Variants in ARHGAP44 observed in about 807,000 individuals in gnomAD.
ARHGAP44 encodes the protein rho GTPase-activating protein 44.
Under a neutral mutation model 106.8 loss-of-function variants are expected in ARHGAP44, and 43 were observed. The observed-to-expected ratio is 0.40, with a 90% CI of 0.32 to 0.52. ARHGAP44 has a LOEUF of 0.52. Among genes scored for constraint, ARHGAP44 ranks in the 20% least tolerant of loss-of-function variants. The probability of loss-of-function intolerance (pLI) is 0.48; values close to 1 mark genes in which losing one functional copy is unlikely to be tolerated. For missense variants in ARHGAP44, 866 were observed against 1,050.5 expected (o/e 0.82, Z 2.43); for synonymous variants, 439 against 410.3 (o/e 1.07, Z -0.85).
chr17:12,954,825 G>A (rs2039087912), intron 13 of ARHGAP44, among the ~76,000 whole-genome samples: 1 of 151,958 alleles, frequency 6.6e-6, no homozygotes, highest in African/African-American at 2.4e-5. Context: ...TTTCTATATA[G>A]CTTCTTTGTT....
chr17:12,881,806 G>A (rs779524051), intron 1 of ARHGAP44, among the ~76,000 whole-genome samples: 8 of 152,028 alleles, frequency 5.3e-5, no homozygotes, highest in Non-Finnish European at 1.0e-4. Context: ...AGATCTTTCT[G>A]CCTCAGCCTC....
chr17:12,894,441 T>TA (rs1230030144), intron 1 of ARHGAP44, among the ~76,000 whole-genome samples: 4 of 152,230 alleles, frequency 2.6e-5, no homozygotes, highest in African/African-American at 9.6e-5. Context: ...GTTCTTTCTC[T>TA]AAATGTAGAA....
At chr17:12,903,186 T>TGTGTGTGTGTG (rs1598027201) in intron 3 of ARHGAP44, among the ~76,000 whole-genome samples, 11 of 127,606 alleles carry the variant, frequency 8.6e-5, no homozygotes, top group Admixed American at 3.0e-4. Context: ...TGTGTGTGTG[T>TGTGTGTGTGTG]TTGGAGGAAT....
intron 3 of ARHGAP44, among the ~76,000 whole-genome samples, chr17:12,899,313 A>G (rs955472421): frequency 1.5e-4 from 23 of 152,130 alleles, no homozygotes; most frequent in Non-Finnish European, 2.6e-4. Context: ...ATGATTTCTT[A>G]TGCTGATTCA....
chr17:12,972,469 T>A (rs9911789), intron 16 of ARHGAP44, among the ~76,000 whole-genome samples: 53,487 of 151,130 alleles, frequency 0.35, 9,995 homozygotes, highest in African/African-American at 0.48. Context: ...CCAAGATGGT[T>A]AAACCCTGTC....
intron 7 of ARHGAP44, among the ~76,000 whole-genome samples, chr17:12,937,300 A>G (rs1265666852): frequency 3.3e-5 from 5 of 152,178 alleles, no homozygotes; most frequent in African/African-American, 4.8e-5. Flanking sequence ...GTATATTTCA[A>G]AATGGCTACT....
chr17:12,986,694 AAAAAAAAAGAATG>A (rs1467121459), intron 20 of ARHGAP44: 1 of 149,772 alleles, frequency 6.7e-6, no homozygotes, highest in African/African-American at 2.5e-5. Flanking sequence ...AAAAAAAAAA[AAAAAAAAAGAATG>A]AGCAGAAGAT....
At chr17:12,903,138 AGAGT>A (rs1489943426) in intron 3 of ARHGAP44, among the ~76,000 whole-genome samples, 13 of 94,754 alleles carry the variant, frequency 1.4e-4, no homozygotes, top group South Asian at 3.9e-4. Flanking sequence ...AGAGAGAGAG[AGAGT>A]GTGTGTGTGT....
At chr17:12,957,702 C>G (rs1284961439) in intron 15 of ARHGAP44, among the ~76,000 whole-genome samples, 2 of 152,130 alleles carry the variant, frequency 1.3e-5, no homozygotes, top group African/African-American at 4.8e-5. Context: ...GTAGATGACT[C>G]TCAATGGTGA....
At chr17:12,842,404 G>A (rs1157230365) in intron 1 of ARHGAP44, among the ~76,000 whole-genome samples, 3 of 123,824 alleles carry the variant, frequency 2.4e-5, no homozygotes, top group Non-Finnish European at 3.2e-5. Context: ...GTGACAGAGC[G>A]AGACCATCTC....
intron 1 of ARHGAP44, among the ~76,000 whole-genome samples, chr17:12,874,744 A>C (rs1317289717): frequency 2.0e-5 from 3 of 148,276 alleles, no homozygotes; most frequent in African/African-American, 7.6e-5. Context: ...AAAAAAAAAA[A>C]GGCAGTTGTG....
At chr17:12,807,280 T>G (rs1275097474) in intron 1 of ARHGAP44, among the ~76,000 whole-genome samples, 2 of 152,158 alleles carry the variant, frequency 1.3e-5, no homozygotes, top group African/African-American at 4.8e-5. Context: ...TGAATTGCCA[T>G]TGTTATTATT....
intron 1 of ARHGAP44, among the ~76,000 whole-genome samples, chr17:12,874,394 A>T (rs57561236): frequency 0.15 from 23,525 of 152,112 alleles, 2,044 homozygotes; most frequent in Middle Eastern, 0.23. Context: ...AGAGCCAGTT[A>T]ACAAGGTAAC....
intron 5 of ARHGAP44, among the ~76,000 whole-genome samples, chr17:12,919,511 G>A (rs553607102): frequency 3.3e-5 from 5 of 151,170 alleles, no homozygotes; most frequent in African/African-American, 7.3e-5. Context: ...TCAGACTCCC[G>A]AGTAACTGGA....
At chr17:12,811,307 CT>C (rs2034434088) in intron 1 of ARHGAP44, among the ~76,000 whole-genome samples, 2 of 137,274 alleles carry the variant, frequency 1.5e-5, no homozygotes, top group Non-Finnish European at 3.0e-5. Flanking sequence ...AGTGAGACTC[CT>C]TCTCAAAAAA....
At chr17:12,871,188 A>G (rs2036395706) in intron 1 of ARHGAP44, among the ~76,000 whole-genome samples, 1 of 152,138 alleles carries the variant, frequency 6.6e-6, no homozygotes, top group Non-Finnish European at 1.5e-5. Context: ...CATGTTGATT[A>G]CCACCTGGTA....
At chr17:12,963,394 C>G (rs964871003) in intron 16 of ARHGAP44, among the ~76,000 whole-genome samples, 4 of 152,298 alleles carry the variant, frequency 2.6e-5, no homozygotes, top group African/African-American at 9.6e-5. Flanking sequence ...ACATGGAAAT[C>G]CAAGCAGCTC....
At chr17:12,926,427 TATA>T (rs1178272691) in intron 6 of ARHGAP44, among the ~76,000 whole-genome samples, 3 of 142,274 alleles carry the variant, frequency 2.1e-5, no homozygotes, top group African/African-American at 5.1e-5. Flanking sequence ...TATATGTATA[TATA>T]ATATATATGT....
chr17:12,951,016 A>G (rs888479096), intron 12 of ARHGAP44, among the ~76,000 whole-genome samples: 1 of 152,158 alleles, frequency 6.6e-6, no homozygotes, highest in Non-Finnish European at 1.5e-5. Flanking sequence ...GAGTGAGAAA[A>G]GCCAACTCCA....
Sources: gnomAD v4.1 joint callset for allele counts (sites outside exome capture counted in the v4.1 genomes callset) on GRCh38, gnomAD v4.1.1 for gene constraint, MANE v1.5 for transcripts, NCBI Gene and HGNC (gene_info 2026-07-23, HGNC 2026-07-21) for gene names.